ERAP2: variants seen among roughly 807,000 people sequenced by gnomAD.
ERAP2 encodes leukocyte-derived arginine aminopeptidase.
Under a neutral mutation model 111.1 loss-of-function variants are expected in ERAP2, and 118 were observed. That is an observed-to-expected ratio of 1.06 (90% CI 0.92 to 1.24). The LOEUF (loss-of-function observed/expected upper bound fraction) is 1.24. Ranked by LOEUF, ERAP2 falls within the 50% of genes most tolerant of loss-of-function variation. ERAP2 has a pLI of 0.00. For missense variants in ERAP2, 1,131 were observed against 1,125.8 expected (o/e 1.00, Z -0.07); for synonymous variants, 410 against 401.2 (o/e 1.02, Z -0.26).
intron 2 of ERAP2, chr5:96,881,083 G>C (rs1485878453): frequency 4.3e-6 from 1 of 233,290 alleles, no homozygotes; most frequent in Admixed American, 5.2e-5. Context: ...AAGCTGAGGA[G>C]AGCGAACAAG....
At chr5:96,894,482 A>G (rs1298200671) in intron 6 of ERAP2, among the ~76,000 whole-genome samples, 1 of 150,890 alleles carries the variant, frequency 6.6e-6, no homozygotes, top group South Asian at 2.1e-4. Flanking sequence ...CCGTCTAGAG[A>G]TTTTAATCTT....
intron 2 of ERAP2, among the ~76,000 whole-genome samples, chr5:96,882,584 C>A (rs1020272166): frequency 9.2e-5 from 14 of 152,202 alleles, no homozygotes; most frequent in African/African-American, 3.4e-4. Flanking sequence ...TCACACTTTG[C>A]ATGTAGAGTT....
intron 13 of ERAP2, among the ~76,000 whole-genome samples, chr5:96,905,420 G>C (rs1382976195): frequency 1.3e-5 from 2 of 152,104 alleles, no homozygotes; most frequent in Non-Finnish European, 1.5e-5. Flanking sequence ...CTAATTTCTA[G>C]TTGTTCTGAA....
chr5:96,897,503 C>T (rs1289942439), intron 9 of ERAP2, among the ~76,000 whole-genome samples: 5 of 151,302 alleles, frequency 3.3e-5, no homozygotes, highest in Non-Finnish European at 5.9e-5. Flanking sequence ...TTTATTAGTT[C>T]AATAATGATA....
At chr5:96,899,501 A>G (rs1785225210) in intron 9 of ERAP2, among the ~76,000 whole-genome samples, 1 of 152,216 alleles carries the variant, frequency 6.6e-6, no homozygotes, top group Admixed American at 6.5e-5. Flanking sequence ...GGCATTTGAG[A>G]GCCTTAGCAC....
intron 3 of ERAP2, among the ~76,000 whole-genome samples, chr5:96,885,713 G>A (rs1783647268): frequency 6.6e-6 from 1 of 152,046 alleles, no homozygotes; most frequent in Non-Finnish European, 1.5e-5. Context: ...GTGGGGAAGA[G>A]CCTGTCTAGG....
Position 96,919,495 on chromosome 5 carries a change from T to C in ERAP2, c.*1890T>C, listed in dbSNP as rs575219956. ...ATAGTGAAATGTGTATGAGTTTCAGTAGAACTGTACCATCAACAATGTTTC... is the reference window on the plus strand; with the variant it reads ...ATAGTGAAATGTGTATGAGTTTCAGCAGAACTGTACCATCAACAATGTTTC... On this transcript the variant is annotated 3_prime_UTR_variant, in exon 19 of 19. Coordinates refer to ENST00000437043, the MANE Select transcript of ERAP2 (RefSeq NM_022350.5). 1 of 152,456 alleles carries C rather than the reference T, an allele frequency of 6.6e-6. No individual in the cohort carries two copies. The highest frequency in any genetic ancestry group is 2.4e-5 in the African/African-American group (1 of 41,568). 9.4% of individuals were successfully genotyped at this position (152,456 alleles called of 1,614,324 possible).
chr5:96,895,485 T>A (rs1784787647), intron 7 of ERAP2, 126 bp downstream of exon 7: 1 of 697,654 alleles, frequency 1.4e-6, no homozygotes, highest in African/African-American at 1.8e-5. Context: ...TATGGCATTT[T>A]GTTTGATACA....
Position 96,879,910 on chromosome 5 carries a change from T to C in ERAP2, c.225T>C (p.Pro75=), listed in dbSNP as rs2151113031. 6 of 1,614,096 alleles carry C rather than the reference T, an allele frequency of 3.7e-6. No homozygotes were observed. Among genetic ancestry groups the C allele is most frequent in the Non-Finnish European group, 4.2e-6 (5 of 1,179,944 alleles). ...QELRLPSVVI[P]LHYDLFVHPN... Reference sequence around the variant, plus strand: ...TAAGGCTCCCCAGTGTGGTCATTCCTCTCCATTATGACCTCTTTGTCCACC... The same window carrying C: ...TAAGGCTCCCCAGTGTGGTCATTCCCCTCCATTATGACCTCTTTGTCCACC... The change falls in exon 2 of 19, where the codon CCT becomes CCC. Residue 75 remains proline (P), a synonymous_variant. Coordinates refer to ENST00000437043, the MANE Select transcript of ERAP2 (RefSeq NM_022350.5).
intron 16 of ERAP2, 104 bp downstream of exon 16, chr5:96,912,902 T>A: frequency 1.1e-6 from 1 of 889,778 alleles, no homozygotes; most frequent in Admixed American, 3.1e-5. Context: ...GATAATTGAA[T>A]CAGAATGTGT....
chr5:96,878,702 T>G (rs1283217753), intron 1 of ERAP2, among the ~76,000 whole-genome samples: 1 of 152,012 alleles, frequency 6.6e-6, no homozygotes, highest in East Asian at 1.9e-4. Context: ...CTGAGGCAAG[T>G]GGATCACCTG....
intron 2 of ERAP2, chr5:96,881,091 A>C (rs541962807): frequency 4.1e-6 from 1 of 241,478 alleles, no homozygotes; most frequent in East Asian, 1.1e-4. Flanking sequence ...GAGAGCGAAC[A>C]AGAGGGAGAA....
intron 14 of ERAP2, 143 bp downstream of exon 14, chr5:96,909,260 A>G (rs1786443561): frequency 9.3e-6 from 7 of 754,624 alleles, no homozygotes; most frequent in Non-Finnish European, 1.5e-5. Context: ...ATGGTCAATG[A>G]CCCTTGTTCT....
chr5:96,915,328 A>T (rs1787262605), intron 17 of ERAP2, among the ~76,000 whole-genome samples: 1 of 152,216 alleles, frequency 6.6e-6, no homozygotes, highest in South Asian at 2.1e-4. Flanking sequence ...TATAAATAAA[A>T]ATATGTATAT....
At chr5:96,877,635 C>T (rs1462669669) in intron 1 of ERAP2, among the ~76,000 whole-genome samples, 1 of 152,182 alleles carries the variant, frequency 6.6e-6, no homozygotes, top group African/African-American at 2.4e-5. Context: ...AAGTAAAAAA[C>T]TTTGCCCATG....
intron 1 of ERAP2, among the ~76,000 whole-genome samples, chr5:96,877,324 C>T (rs1357377006): frequency 6.6e-6 from 1 of 152,110 alleles, no homozygotes; most frequent in Non-Finnish European, 1.5e-5. Context: ...GCCTTTACAA[C>T]CCTTACTAGT....
chr5:96,882,223 A>C (rs1783211230), intron 2 of ERAP2, among the ~76,000 whole-genome samples: 1 of 152,196 alleles, frequency 6.6e-6, no homozygotes, highest in Non-Finnish European at 1.5e-5. Flanking sequence ...CCACATAAAC[A>C]ATGATGGCTT....
Position 96,880,018 on chromosome 5 carries a change from C to T in ERAP2, c.333C>T (p.His111=). Residue 111 remains histidine, a synonymous_variant, in exon 2 of 19, where the codon CAC becomes CAT. Coordinates refer to ENST00000437043, the MANE Select transcript of ERAP2 (RefSeq NM_022350.5). ...ATGCTACCCAGTTTATCATCTTGCACAGCAAAGATCTTGAAATCACGAATG... is the reference window on the plus strand; with the variant it reads ...ATGCTACCCAGTTTATCATCTTGCATAGCAAAGATCTTGAAATCACGAATG... The part of the protein sequence containing the change: ...VSNATQFIIL[H]SKDLEITNAT... The T allele has an allele frequency of 6.2e-7, 1 of 1,614,166 alleles. No homozygotes were observed. Among genetic ancestry groups the T allele is most frequent in the Non-Finnish European group, 8.5e-7 (1 of 1,180,018 alleles).
chr5:96,889,623 G>C, intron 5 of ERAP2: 1 of 641,626 alleles, frequency 1.6e-6, no homozygotes, highest in South Asian at 1.8e-5. Context: ...GTCCAGGAAA[G>C]AGATGGGGAG....
Sources: allele counts gnomAD v4.1 joint callset (sites outside exome capture counted in the v4.1 genomes callset), GRCh38; gene constraint gnomAD v4.1.1; transcripts MANE v1.5; gene names NCBI Gene and HGNC (gene_info 2026-07-23, HGNC 2026-07-21).